The following IFT140 variants were observed in gnomAD, a reference collection of about 807,000 sequenced individuals.
IFT140 encodes intraflagellar transport protein 140 homolog.
A neutral mutation model predicts 164.6 loss-of-function variants in IFT140; 133 were observed. That is an observed-to-expected ratio of 0.81 (90% CI 0.70 to 0.93). IFT140 has a LOEUF of 0.93. Ranked by LOEUF, IFT140 falls within the 40% of genes least tolerant of loss-of-function variation. The pLI is 0.00. For missense variants in IFT140, 2,045 were observed against 1,972.3 expected, an observed-to-expected ratio of 1.04 and a Z score of -0.70; for synonymous variants, 860 against 817.3, an observed-to-expected ratio of 1.05 and a Z score of -0.89.
At chr16:1,552,341 A>C (rs1596350836) in intron 19 of IFT140, among the ~76,000 whole-genome samples, 9 of 144,952 alleles carry the variant, frequency 6.2e-5, no homozygotes, top group South Asian at 2.3e-4. Context: ...AGAGCGCCCC[A>C]CCCCTCCCGC....
intron 13 of IFT140, among the ~76,000 whole-genome samples, chr16:1,575,394 G>A (rs1264971789): frequency 6.8e-6 from 1 of 147,372 alleles, no homozygotes; most frequent in African/African-American, 2.5e-5. Flanking sequence ...AAATAAAAAT[G>A]AAAATAAAAA....
At chr16:1,576,518 G>A (rs1387186094) in intron 13 of IFT140, among the ~76,000 whole-genome samples, 1 of 151,458 alleles carries the variant, frequency 6.6e-6, no homozygotes, top group Non-Finnish European at 1.5e-5. Context: ...CGTGAACCCA[G>A]GAGGCGGAGC....
At chr16:1,589,896 G>A in intron 6 of IFT140, 116 bp from the exon 7 acceptor site, 2 of 958,558 alleles carry the variant, frequency 2.1e-6, no homozygotes, top group Non-Finnish European at 3.1e-6. Flanking sequence ...AGCATCTTCA[G>A]TATAAGAACT....
chr16:1,510,842 C>T lies in IFT140; in HGVS notation c.*102G>A, dbSNP rs2040116309. Reference sequence around the variant, plus strand: ...GCTCTGTCGCGTATTCCAACACAGACATGTTTTTTCCCAGCAAAAATGCTG... The same window carrying T: ...GCTCTGTCGCGTATTCCAACACAGATATGTTTTTTCCCAGCAAAAATGCTG... On this transcript the variant is annotated 3_prime_UTR_variant, in exon 31 of 31. Transcript: ENST00000426508. 3 of 1,081,392 alleles carry T rather than the reference C, an allele frequency of 2.8e-6. No individual in the cohort carries two copies. The highest frequency in any genetic ancestry group is 5.8e-4 in the Middle Eastern group (2 of 3,466). The allele number at this position is 1,081,392 out of a possible 1,614,324, so 67.0% of individuals were successfully genotyped here.
At chr16:1,601,047 G>C (rs1306709995) in intron 4 of IFT140, among the ~76,000 whole-genome samples, 8 of 152,066 alleles carry the variant, frequency 5.3e-5, no homozygotes, top group African/African-American at 1.9e-4. Context: ...CAGATCTCTT[G>C]ACGTCAGCAG....
intron 19 of IFT140, among the ~76,000 whole-genome samples, chr16:1,546,039 C>A (rs191024503): frequency 6.6e-6 from 1 of 152,376 alleles, no homozygotes; most frequent in African/African-American, 2.4e-5. Flanking sequence ...CTTCTCCCCT[C>A]TCCTCCTCGT....
chr16:1,605,797 G>A (rs1232261836), intron 3 of IFT140, among the ~76,000 whole-genome samples: 2 of 152,130 alleles, frequency 1.3e-5, no homozygotes, highest in East Asian at 3.9e-4. Context: ...GTTAGGGGGT[G>A]AATTGTGTCC....
In IFT140 at chr16:1,584,330, G is replaced by A. The variant is rs554927827; in HGVS notation, c.1246C>T (p.Gln416Ter). ...GGGGAGACCTGCATGGCGGCCACTT[G>A]CTGGTGGAAGTGTGACGACATGGCC... ...ERAMSSHFHQ[Q>*]VAAMQVSPSL... The change falls in exon 11 of 31, where the codon CAA becomes TAA. Residue 416 changes from glutamine (Q) to a stop codon, truncating the protein, a stop_gained. Coordinates refer to ENST00000426508, the MANE Select transcript of IFT140 (RefSeq NM_014714.4). LOFTEE classifies it high-confidence loss of function. The A allele has an allele frequency of 1.3e-5, 21 of 1,613,610 alleles. No individual in the cohort carries two copies. The South Asian group carries it at 2.0e-4, about 15-fold the overall frequency.
intron 3 of IFT140, chr16:1,604,274 C>CCTGTGTGTGT (rs3222244): frequency 2.3e-5 from 3 of 129,812 alleles, no homozygotes; most frequent in Non-Finnish European, 4.9e-5. Flanking sequence ...GCTGCAAGGG[C>CCTGTGTGTGT]GTGTGTGTGT....
chr16:1,608,705 A>G (rs2036198772), intron 2 of IFT140, among the ~76,000 whole-genome samples: 1 of 151,932 alleles, frequency 6.6e-6, no homozygotes, highest in Non-Finnish European at 1.5e-5. Context: ...AATTTAAAAT[A>G]GCAAAAGAAA....
Position 1,581,848 on chromosome 16 carries a change from C to T in IFT140, c.1433-998G>A, listed in dbSNP as rs975356238. Among the ~76,000 whole-genome samples the T allele has an allele frequency of 5.5e-5, 8 of 146,212 alleles. No homozygotes were observed. The East Asian group carries it at 6.1e-4, about 11-fold the overall frequency. On this transcript the variant is annotated intron_variant, in intron 12 of 30. Coordinates refer to ENST00000426508, the MANE Select transcript of IFT140 (RefSeq NM_014714.4). ...GGGGAGGAGAGGGGATGTGAAGTGT[C>T]GGTACAATCCTGGACAGAGTGTGAA...
Position 1,592,369 on chromosome 16 carries a change from C to T in IFT140, c.492-51G>A, listed in dbSNP as rs377751804. 1.2e-5 allele frequency: 20 copies of T among 1,612,656 alleles called. No homozygotes were observed. In the African/African-American group the frequency reaches 2.7e-4, roughly 21 times the overall value. On this transcript the variant is annotated intron_variant, in intron 5 of 30. Coordinates refer to ENST00000426508, the MANE Select transcript of IFT140 (RefSeq NM_014714.4). ...AGATTCTTCTGCCACTCCTACAGCA[C>T]CTCAGGGCTGGGGCCCCTCCTGGGT...
rs1024650274 is a variant in IFT140, at chr16:1,564,609, C to T, written c.1902-447G>A. On this transcript the variant is annotated intron_variant, in intron 16 of 30. Coordinates refer to ENST00000426508, the MANE Select transcript of IFT140 (RefSeq NM_014714.4). The surrounding 1 kb of genome is among the most constrained non-coding windows in gnomAD (Gnocchi z 5.5). ...TGCTGCCCCTTGGACCCAGGTCCCT[C>T]CCATCTCTAAAGTTCTATGTTGGAT... 6.6e-6 allele frequency among the ~76,000 whole-genome samples: 1 copy of T among 152,196 alleles called. No homozygotes were observed. Among genetic ancestry groups the T allele is most frequent in the Non-Finnish European group, 1.5e-5 (1 of 68,024 alleles).
chr16:1,606,993 G>A (rs1338009822), intron 3 of IFT140, 127 bp downstream of exon 3: 1 of 876,734 alleles, frequency 1.1e-6, no homozygotes, highest in African/African-American at 1.7e-5. Flanking sequence ...CGCACACACA[G>A]ATGCATGTAT....
At chr16:1,559,312 C>T (rs1596364261) in intron 18 of IFT140, among the ~76,000 whole-genome samples, 1 of 152,228 alleles carries the variant, frequency 6.6e-6, no homozygotes, top group African/African-American at 2.4e-5. Flanking sequence ...AATGGGTACC[C>T]AGTTCGCTGT....
In IFT140 at chr16:1,562,075, G is replaced by A. The variant is rs375957506; in HGVS notation, c.2109C>T (p.His703=). The A allele has an allele frequency of 9.3e-6, 15 of 1,611,534 alleles. No homozygotes were observed. The highest frequency in any genetic ancestry group is 6.7e-5 in the African/African-American group (5 of 74,860). The part of the protein sequence containing the change: ...LILSFFISEE[H]GFLLHESFPR... Reference sequence around the variant, plus strand: ...GGAAGCTCTCATGAAGCAGGAAGCCGTGCTCTTCGGAAATGAAGAAGGACA... The same window carrying A: ...GGAAGCTCTCATGAAGCAGGAAGCCATGCTCTTCGGAAATGAAGAAGGACA... The change falls in exon 18 of 31, where the codon CAC becomes CAT. Residue 703 remains histidine, a synonymous_variant. Transcript: ENST00000426508.
chr16:1,552,648 CTTTTTT>C (rs11409894), intron 19 of IFT140, among the ~76,000 whole-genome samples: 2 of 127,586 alleles, frequency 1.6e-5, no homozygotes, highest in Non-Finnish European at 3.2e-5. Flanking sequence ...AAAGAGAATG[CTTTTTT>C]TTTTTTTTTT....
intron 4 of IFT140, among the ~76,000 whole-genome samples, chr16:1,599,108 C>T (rs1277649749): frequency 1.1e-5 from 1 of 87,956 alleles, no homozygotes; most frequent in Non-Finnish European, 2.2e-5. Flanking sequence ...CGGCCGAGAC[C>T]CCGTCTGGGA....
intron 6 of IFT140, among the ~76,000 whole-genome samples, chr16:1,590,851 A>G (rs1388138046): frequency 6.6e-6 from 1 of 152,110 alleles, no homozygotes; most frequent in Non-Finnish European, 1.5e-5. Context: ...CTGCAGCCTC[A>G]GCCTCCTGGG....
Sources: allele counts gnomAD v4.1 joint callset (sites outside exome capture counted in the v4.1 genomes callset), GRCh38; gene constraint gnomAD v4.1.1; non-coding constraint Gnocchi (gnomAD v3.1); transcripts MANE v1.5; gene names NCBI Gene and HGNC (gene_info 2026-07-23, HGNC 2026-07-21).